Variants in SRGAP3 observed in about 807,000 individuals in gnomAD.
SRGAP3 encodes SLIT-ROBO Rho GTPase-activating protein 3.
A neutral mutation model predicts 121.1 loss-of-function variants in SRGAP3; 39 were observed. That is an observed-to-expected ratio of 0.32 (90% CI 0.25 to 0.42). The LOEUF (loss-of-function observed/expected upper bound fraction) is 0.42. Ranked by LOEUF, SRGAP3 falls within the 10% of genes least tolerant of loss-of-function variation. SRGAP3 has a pLI of 1.00. For synonymous variants in SRGAP3, 601 were observed against 570.0 expected, an observed-to-expected ratio of 1.05 and a Z score of -0.77; for missense variants, 1,213 against 1,470.6, an observed-to-expected ratio of 0.82 and a Z score of 2.86.
In SRGAP3 at chr3:9,028,160, G is replaced by C. The variant is rs375361950; in HGVS notation, c.1540-1165C>G. The C allele has an allele frequency of 3.1e-6, 5 of 1,613,956 alleles. No individual in the cohort carries two copies. The African/African-American group carries it at 6.7e-5, about 22-fold the overall frequency. On this transcript the variant is annotated intron_variant, in intron 12 of 21. Transcript: ENST00000383836. ...TAACAAAAAATAAACAGGCAGCAGA[G>C]CAGGAGAAAAAGAAAAGATTATGCA...
At chr3:9,298,909 G>A (rs376803318) in intron 3 of SRGAP3, among the ~76,000 whole-genome samples, 14 of 151,884 alleles carry the variant, frequency 9.2e-5, no homozygotes, top group Admixed American at 4.6e-4. Flanking sequence ...AAAATTAGCC[G>A]GGCGTGGTGG....
intron 3 of SRGAP3, among the ~76,000 whole-genome samples, chr3:9,257,188 C>A (rs375582537): frequency 1.1e-4 from 16 of 152,180 alleles, no homozygotes; most frequent in Admixed American, 8.5e-4. Context: ...GGATTGAATG[C>A]TTGTGTCCCC....
intron 1 of SRGAP3, among the ~76,000 whole-genome samples, chr3:9,334,660 C>T (rs1290464375): frequency 6.6e-6 from 1 of 152,130 alleles, no homozygotes; most frequent in African/African-American, 2.4e-5. Context: ...GAAAACATCC[C>T]ACTCCATTAG....
At chr3:9,099,023 A>C (rs1375232098) in intron 3 of SRGAP3, among the ~76,000 whole-genome samples, 1 of 152,016 alleles carries the variant, frequency 6.6e-6, no homozygotes, top group Non-Finnish European at 1.5e-5. Flanking sequence ...CCAGCATGCA[A>C]ACACTCACTC....
upstream of SRGAP3, among the ~76,000 whole-genome samples, chr3:9,253,028 A>G (rs981786239): frequency 3.4e-4 from 51 of 152,212 alleles, no homozygotes; most frequent in Non-Finnish European, 1.2e-4. Flanking sequence ...CTCCCTGCAC[A>G]CAAGCACAGG....
Position 9,314,267 on chromosome 3 carries a change from T to A in SRGAP3, n.442+11743A>T, listed in dbSNP as rs1007540199. On this transcript the variant is annotated intron_variant and non_coding_transcript_variant, in intron 3 of 3. Coordinates refer to the SRGAP3 transcript ENST00000490889. ...GGCAGACCACAACAGGGTGAGAAGA[T>A]GTTCCAGGGCAGGTGTGGTGGCTCA... Among the ~76,000 whole-genome samples, 5 of 152,208 alleles carry A rather than the reference T, an allele frequency of 3.3e-5. No individual in the cohort carries two copies. In the East Asian group the frequency reaches 9.7e-4, roughly 30 times the overall value.
intron 2 of SRGAP3, among the ~76,000 whole-genome samples, chr3:9,116,201 T>C (rs1490147371): frequency 6.6e-6 from 1 of 152,270 alleles, no homozygotes. Context: ...GATGGACAGC[T>C]GTGGCTACTG....
intron 1 of SRGAP3, among the ~76,000 whole-genome samples, chr3:9,137,082 C>G (rs1039757686): frequency 6.6e-6 from 1 of 152,112 alleles, no homozygotes; most frequent in Non-Finnish European, 1.5e-5. Flanking sequence ...ACTATTATCC[C>G]GTTTTGCAGA....
intron 2 of SRGAP3, among the ~76,000 whole-genome samples, chr3:9,327,408 T>G (rs1955538621): frequency 6.7e-6 from 1 of 149,628 alleles, no homozygotes; most frequent in Admixed American, 6.5e-5. Flanking sequence ...CCCTCTAACC[T>G]AGGCAAAAAT....
chr3:9,178,601 T>C, intron 1 of SRGAP3, among the ~76,000 whole-genome samples: 1 of 152,144 alleles, frequency 6.6e-6, no homozygotes, highest in Non-Finnish European at 1.5e-5. Context: ...GAGGAATCAA[T>C]CATCCAACTT....
intron 1 of SRGAP3, among the ~76,000 whole-genome samples, chr3:9,225,485 T>A (rs1952954822): frequency 6.6e-6 from 1 of 152,146 alleles, no homozygotes; most frequent in Non-Finnish European, 1.5e-5. Context: ...CTTGGAGCCA[T>A]ACAATAGAAC....
intron 2 of SRGAP3, among the ~76,000 whole-genome samples, chr3:9,330,137 T>C (rs1955583358): frequency 6.6e-6 from 1 of 152,198 alleles, no homozygotes; most frequent in South Asian, 2.1e-4. Context: ...TATTCAGGTT[T>C]TCCTGAATAA....
chr3:9,106,929 C>T (rs1948438802), intron 2 of SRGAP3, among the ~76,000 whole-genome samples: 1 of 152,060 alleles, frequency 6.6e-6, no homozygotes, highest in Non-Finnish European at 1.5e-5. Context: ...CCCACCACCC[C>T]ACCTCTCCCT....
intron 5 of SRGAP3, among the ~76,000 whole-genome samples, chr3:9,062,815 G>A (rs1016726461): frequency 2.0e-5 from 3 of 152,134 alleles, no homozygotes; most frequent in Admixed American, 6.5e-5. Flanking sequence ...TGGCTATTAA[G>A]AATAATGCTG....
chr3:9,105,074 C>T (rs1948371042), intron 2 of SRGAP3, among the ~76,000 whole-genome samples: 1 of 152,262 alleles, frequency 6.6e-6, no homozygotes. Flanking sequence ...TGCGGTTCTA[C>T]TCTAGCACTG....
chr3:9,235,166 T>C (rs1161992031), intron 1 of SRGAP3, among the ~76,000 whole-genome samples: 2 of 152,194 alleles, frequency 1.3e-5, no homozygotes, highest in Non-Finnish European at 2.9e-5. Flanking sequence ...CGCATATTGA[T>C]GTTCTTACTT....
chr3:9,283,994 A>C (rs1954724952), intron 3 of SRGAP3, among the ~76,000 whole-genome samples: 1 of 152,246 alleles, frequency 6.6e-6, no homozygotes, highest in African/African-American at 2.4e-5. Context: ...CTACAACTTA[A>C]CAGAGTTGTA....
chr3:9,245,582 T>C (rs554306514), intron 1 of SRGAP3, among the ~76,000 whole-genome samples: 3 of 152,284 alleles, frequency 2.0e-5, no homozygotes, highest in African/African-American at 7.2e-5. Context: ...AAAGGAACTA[T>C]AGAACCAATA....
intron 3 of SRGAP3, among the ~76,000 whole-genome samples, chr3:9,273,889 A>G (rs1954526166): frequency 1.3e-5 from 2 of 152,186 alleles, no homozygotes; most frequent in South Asian, 4.1e-4. Context: ...CTTGTTAAAA[A>G]TCATTAGACC....
Sources: allele counts gnomAD v4.1 joint callset (sites outside exome capture counted in the v4.1 genomes callset), GRCh38; gene constraint gnomAD v4.1.1; transcripts MANE v1.5; gene names NCBI Gene and HGNC (gene_info 2026-07-23, HGNC 2026-07-21).